Variants in TTN observed in about 807,000 individuals in gnomAD.
The protein encoded by TTN is connectin.
TTN carries 1,525 observed loss-of-function variants against 3,223.0 expected under a neutral mutation model. The observed-to-expected ratio is 0.47, with a 90% CI of 0.45 to 0.49. The LOEUF is 0.49. Ranked by LOEUF, TTN falls within the 20% of genes least tolerant of loss-of-function variation. The pLI is 0.00. For synonymous variants in TTN, 14,094 were observed against 15,161.0 expected, an observed-to-expected ratio of 0.93 and a Z score of 5.17; for missense variants, 40,786 against 43,424.0, an observed-to-expected ratio of 0.94 and a Z score of 5.40.
intron 350 of TTN, 196 bp downstream of exon 350, chr2:178,541,086 G>C (rs1047841737): frequency 3.9e-5 from 17 of 430,508 alleles, no homozygotes; most frequent in African/African-American, 3.5e-4. Flanking sequence ...TAGCAGCTGG[G>C]GTGGGGAAGG....
Position 178,728,764 on chromosome 2 carries a change from C to A in TTN, c.19162G>T (p.Val6388Leu). The A allele has an allele frequency of 6.3e-7, 1 of 1,599,900 alleles. No individual in the cohort carries two copies. The highest frequency in any genetic ancestry group is 8.6e-7 in the Non-Finnish European group (1 of 1,168,906). Residue 6388 changes from valine (V) to leucine (L), a missense_variant, in exon 66 of 363, where the codon GTA (valine) becomes TTA (leucine). Transcript: ENST00000589042. ...ACATCAACTGATTTAGCTTTCTCTA[C>A]GATTTGAGCTGGTTCTGTAGTAAAA... is the stretch of plus-strand genomic sequence containing the variant. ...FLLVQEPAQIVEKAKSVDVTE... is the reference protein window; with the variant it reads ...FLLVQEPAQILEKAKSVDVTE...
rs1410268896 is a variant in TTN, at chr2:178,590,560, C to G, written c.61165G>C (p.Asp20389His). Residue 20389 changes from aspartate (D) to histidine (H), a missense_variant, in exon 304 of 363, where the codon GAT becomes CAT. Asp to His is a moderately conservative substitution (Grantham distance 81, BLOSUM62 -1). Transcript: ENST00000589042. The part of the protein sequence containing the change: ...KLKDKSRETA[D>H]LVWTKPLSDG... ...CTGAGAGGCTTTGTCCACACCAAATCAGCTGTTTCTCTGCTCTTGTCTTTC... is the reference window on the plus strand; with the variant it reads ...CTGAGAGGCTTTGTCCACACCAAATGAGCTGTTTCTCTGCTCTTGTCTTTC... 1 of 1,612,434 alleles carries G rather than the reference C, an allele frequency of 6.2e-7. No individual in the cohort carries two copies. The highest frequency in any genetic ancestry group is 8.5e-7 in the Non-Finnish European group (1 of 1,179,224).
intron 175 of TTN, 47 bp from the exon 176 acceptor site, chr2:178,662,663 A>C: frequency 1.2e-6 from 1 of 866,174 alleles, no homozygotes; most frequent in Non-Finnish European, 1.7e-6. Context: ...GTGAAGGTAT[A>C]TATTACAGTG....
In TTN at chr2:178,749,386, A is replaced by G. The variant is rs1405660007; in HGVS notation, c.11311+3738T>C. 1.9e-6 allele frequency: 3 copies of G among 1,613,162 alleles called. No individual in the cohort carries two copies. In the East Asian group the frequency reaches 6.7e-5, roughly 36 times the overall value. On this transcript the variant is annotated intron_variant, in intron 47 of 362. Transcript: ENST00000589042. ...TGATTTTTATGGTTCTTGAAGCACC[A>G]TGCACAAATCTGGGAATTTTTTCTC...
intron 330 of TTN, chr2:178,556,639 G>A: frequency 1.7e-6 from 1 of 592,272 alleles, no homozygotes; most frequent in Non-Finnish European, 2.9e-6. Context: ...ATATCCTGAG[G>A]TCTAAATCTC....
chr2:178,678,731 T>C lies in TTN; in HGVS notation c.33826+16A>G, dbSNP rs572433173. The stretch of plus-strand genomic sequence containing the variant: ...AATGTGAAATAAAAATATTGCAACA[T>C]TGCAAGTTCATGTACCTTTGGCAGG... On this transcript the variant is annotated intron_variant, in intron 143 of 362. Transcript: ENST00000589042. The C allele has an allele frequency of 6.3e-7, 1 of 1,599,728 alleles. No individual in the cohort carries two copies. The highest frequency in any genetic ancestry group is 1.1e-5 in the South Asian group (1 of 87,454).
rs755271215 is a variant in TTN at position 178,544,047 on chromosome 2, G to A, written c.96097C>T (p.Arg32033Cys). ...TVTIRAGASLRLMVSVSGRPP... is the reference protein window; with the variant it reads ...TVTIRAGASLCLMVSVSGRPP... ...CTTCCAGATACAGACACCATCAAGC[G>A]CAAGGAGGCCCCAGCCCTGATGGTC... The change falls in exon 346 of 363, where the codon CGC becomes TGC. Residue 32033 changes from arginine to cysteine, a missense_variant. Transcript: ENST00000589042. The A allele has an allele frequency of 2.0e-5, 33 of 1,613,462 alleles. No homozygotes were observed. In the East Asian group the frequency reaches 2.7e-4, roughly 13 times the overall value.
In TTN at chr2:178,633,044, C is replaced by T. The variant is rs745979661; in HGVS notation, c.43087G>A (p.Asp14363Asn). The change falls in exon 234 of 363, where the codon GAC becomes AAC. Residue 14363 changes from aspartate to asparagine, a missense_variant and splice_region_variant. By Grantham distance (23) the Asp-to-Asn change is conservative. Coordinates refer to ENST00000589042, the MANE Select transcript of TTN (RefSeq NM_001267550.2). ...LKGQPLTASP[D>N]CEIIEDGKKH... The stretch of plus-strand genomic sequence containing the variant: ...TTTCCATCCTCAATGATTTCACAGT[C>T]CTGTTTGGAGTGAGGGTTAGAAGGA... The T allele has an allele frequency of 6.2e-7, 1 of 1,612,520 alleles. No individual in the cohort carries two copies. The highest frequency in any genetic ancestry group is 2.2e-5 in the East Asian group (1 of 44,684).
chr2:178,542,797 C>T lies in TTN; in HGVS notation c.97057G>A (p.Val32353Ile), dbSNP rs1250490166. ...AGSKLRESERVTVETHTKVAK... is the reference protein window; with the variant it reads ...AGSKLRESERITVETHTKVAK... ...ACTTTAGTGTGAGTTTCAACTGTGA[C>T]ACGCTCTGATTCTCTCAGTTTAGAA... Residue 32353 changes from valine (V) to isoleucine (I), a missense_variant, in exon 348 of 363, where the codon GTC becomes ATC. By Grantham distance (29) the Val-to-Ile change is conservative. Coordinates refer to ENST00000589042, the MANE Select transcript of TTN (RefSeq NM_001267550.2). 1.2e-6 allele frequency: 2 copies of T among 1,613,744 alleles called. No homozygotes were observed. Among genetic ancestry groups the T allele is most frequent in the East Asian group, 2.2e-5 (1 of 44,856 alleles).
chr2:178,570,771 T>C lies in TTN; in HGVS notation c.75361A>G (p.Ile25121Val), dbSNP rs199508062. 97 of 1,613,560 alleles carry C rather than the reference T, an allele frequency of 6.0e-5. No homozygotes were observed. In the African/African-American group the frequency reaches 1.2e-3, roughly 21 times the overall value. ...AATGATTCACCAGCATGAACCACGA[T>C]TGTGTCTTTGTATTTTGGATCCATA... Reference protein sequence around the residue: ...ISMDPKYKDTIVVHAGESFKV... With the variant: ...ISMDPKYKDTVVVHAGESFKV... Residue 25121 changes from isoleucine to valine, a missense_variant, in exon 326 of 363, where the codon ATC (isoleucine) becomes GTC (valine). By Grantham distance (29) the Ile-to-Val change is conservative. Transcript: ENST00000589042.
intron 304 of TTN, 113 bp downstream of exon 304, chr2:178,588,425 T>G (rs1328855369): frequency 4.6e-6 from 6 of 1,303,992 alleles, no homozygotes; most frequent in Admixed American, 2.6e-5. Flanking sequence ...AAATATTTGC[T>G]AAATACAGTT....
At position 178,774,290 on chromosome 2, in the gene TTN, A is replaced by C; in HGVS notation, c.6974T>G (p.Val2325Gly). Reference sequence around the variant, plus strand: ...CTGGTCCTCCTTGGTTACATCCTTGACCGTGAGGTTCTGACGTCCACGACG... The same window carrying C: ...CTGGTCCTCCTTGGTTACATCCTTGCCCGTGAGGTTCTGACGTCCACGACG... ...TSRRGRQNLT[V>G]KDVTKEDQGE... Residue 2325 changes from valine (V) to glycine (G), a missense_variant, in exon 30 of 363, where the codon GTC (valine) becomes GGC (glycine). Coordinates refer to ENST00000589042, the MANE Select transcript of TTN (RefSeq NM_001267550.2). The C allele has an allele frequency of 6.2e-7, 1 of 1,614,020 alleles. No individual in the cohort carries two copies. Among genetic ancestry groups the C allele is most frequent in the Non-Finnish European group, 8.5e-7 (1 of 1,179,976 alleles).
intron 113 of TTN, 67 bp from the exon 114 acceptor site, chr2:178,696,336 T>C (rs926636188): frequency 1.5e-6 from 2 of 1,294,352 alleles, no homozygotes; most frequent in African/African-American, 3.0e-5. Context: ...TAAACAAAAA[T>C]CTACCTAGTT....
In TTN at chr2:178,799,597, T is replaced by G. The variant is rs1464696675; in HGVS notation, c.804A>C (p.Pro268=). The G allele has an allele frequency of 6.2e-7, 1 of 1,613,678 alleles. No individual in the cohort carries two copies. The highest frequency in any genetic ancestry group is 8.5e-7 in the Non-Finnish European group (1 of 1,179,954). The change falls in exon 6 of 363, where the codon CCA becomes CCC. Residue 268 remains proline, a synonymous_variant. Coordinates refer to ENST00000589042, the MANE Select transcript of TTN (RefSeq NM_001267550.2). ...PPKPKSRSPT[P]PSIAAKAQLA... Reference sequence around the variant, plus strand: ...GCTGTGCTTTGGCAGCAATAGACGGTGGTGTTGGGGATCTTGACTTTGGCT... The same window carrying G: ...GCTGTGCTTTGGCAGCAATAGACGGGGGTGTTGGGGATCTTGACTTTGGCT...
At chr2:178,758,193 C>T (rs1177938768) in intron 44 of TTN, among the ~76,000 whole-genome samples, 1 of 152,118 alleles carries the variant, frequency 6.6e-6, no homozygotes, top group Non-Finnish European at 1.5e-5. Context: ...ATATTCTTTT[C>T]TTTCTTCCTC....
chr2:178,787,204 T>C (rs1183908399), intron 13 of TTN, among the ~76,000 whole-genome samples: 2 of 152,164 alleles, frequency 1.3e-5, no homozygotes, highest in Non-Finnish European at 2.9e-5. Context: ...TAAAAATTAT[T>C]CTCTGAACCA....
chr2:178,705,286 T>A lies in TTN; in HGVS notation c.29492A>T (p.Asp9831Val), dbSNP rs767075303. ...GGCATATTTTTCATATTCTTTAGGATCAACATTTTTGAGAAGTTCCATGAT... is the reference window on the plus strand; with the variant it reads ...GGCATATTTTTCATATTCTTTAGGAACAACATTTTTGAGAAGTTCCATGAT... ...IDIMELLKNV[D>V]PKEYEKYARM... Residue 9831 changes from aspartate to valine, a missense_variant, in exon 103 of 363, where the codon GAT becomes GTT. Transcript: ENST00000589042. 1.2e-6 allele frequency: 2 copies of A among 1,613,218 alleles called. No individual in the cohort carries two copies. The highest frequency in any genetic ancestry group is 1.7e-6 in the Non-Finnish European group (2 of 1,179,594).
At position 178,529,141 on chromosome 2, in the gene TTN, T is replaced by C; in HGVS notation, c.106610A>G (p.Gln35537Arg). ...EITPQKKAVV[Q>R]EEISQKALRS... ...TAGGGCTTTTTGGGAAATTTCCTCT[T>C]GGACAACAGCTTTCTTCTGAGGTGT... The change falls in exon 360 of 363, where the codon CAA becomes CGA. Residue 35537 changes from glutamine (Q) to arginine (R), a missense_variant. Gln to Arg is a conservative substitution (Grantham distance 43, BLOSUM62 1). Transcript: ENST00000589042. The C allele has an allele frequency of 9.5e-6, 15 of 1,584,920 alleles. No homozygotes were observed. Among genetic ancestry groups the C allele is most frequent in the Non-Finnish European group, 1.3e-5 (15 of 1,167,982 alleles).
intron 273 of TTN, 73 bp downstream of exon 273, chr2:178,609,135 C>T: frequency 1.4e-6 from 2 of 1,418,624 alleles, no homozygotes; most frequent in Non-Finnish European, 1.8e-6. Flanking sequence ...TCTTTTAACT[C>T]TCTCCCAAAC....
Sources: gnomAD v4.1 joint callset for allele counts (sites outside exome capture counted in the v4.1 genomes callset) on GRCh38, gnomAD v4.1.1 for gene constraint, MANE v1.5 for transcripts, NCBI Gene and HGNC (gene_info 2026-07-23, HGNC 2026-07-21) for gene names.